Variants in IGFL2 observed in about 807,000 individuals in gnomAD.
IGFL2 encodes the protein insulin growth factor-like family member 2.
IGFL2 carries 7 observed loss-of-function variants against 13.9 expected under a neutral mutation model. The ratio of observed to expected loss-of-function variants is 0.51; its 90% confidence interval spans 0.29 to 0.95. The LOEUF is 0.95. IGFL2 is among the 40% of genes least tolerant of loss of function. The probability of loss-of-function intolerance (pLI) is 0.08; values close to 1 mark genes in which losing one functional copy is unlikely to be tolerated. For missense variants in IGFL2, 138 were observed against 147.8 expected, an observed-to-expected ratio of 0.93 and a Z score of 0.34; for synonymous variants, 55 against 55.8, an observed-to-expected ratio of 0.99 and a Z score of 0.07.
At chr19:46,124,499 G>C in the IGFL2 span, 1 of 1,146,898 alleles carries the variant, frequency 8.7e-7, no homozygotes, top group Non-Finnish European at 1.3e-6. Context: ...GTCACCCTTT[G>C]AGGTGACTAG....
the IGFL2 span, among the ~76,000 whole-genome samples, chr19:46,174,908 G>A: frequency 6.6e-6 from 1 of 152,152 alleles, no homozygotes; most frequent in African/African-American, 2.4e-5. Flanking sequence ...TTTAGCAAAA[G>A]GATTGATCCA....
chr19:46,157,345 T>C (rs1052177691), intron 1 of IGFL2, among the ~76,000 whole-genome samples: 5 of 152,104 alleles, frequency 3.3e-5, no homozygotes, highest in African/African-American at 1.2e-4. Context: ...GCAATGAAAC[T>C]ATAGACCAAT....
At chr19:46,170,520 T>C in the IGFL2 span, among the ~76,000 whole-genome samples, 1 of 152,184 alleles carries the variant, frequency 6.6e-6, no homozygotes. Flanking sequence ...TAACAGTGAT[T>C]TTCAGGGAAC....
At chr19:46,168,307 T>G in the IGFL2 span, among the ~76,000 whole-genome samples, 1 of 152,240 alleles carries the variant, frequency 6.6e-6, no homozygotes, top group Non-Finnish European at 1.5e-5. Flanking sequence ...GGCATCAGTT[T>G]TGAGTTTGGA....
intron 3 of IGFL2, 29 bp downstream of exon 3, chr19:46,160,910 C>T (rs549964644): frequency 6.1e-5 from 99 of 1,610,350 alleles, no homozygotes; most frequent in South Asian, 4.9e-4. Context: ...GCCAGGGGGT[C>T]GGGGGAAGGG....
chr19:46,132,882 C>T, the IGFL2 span, among the ~76,000 whole-genome samples: 6,634 of 152,118 alleles, frequency 0.044, 225 homozygotes, highest in South Asian at 0.12. Flanking sequence ...AGGTAGTCAA[C>T]GATTTCAACC....
intron 1 of IGFL2, among the ~76,000 whole-genome samples, chr19:46,151,118 T>TCA (rs1469811310): frequency 2.6e-5 from 4 of 152,214 alleles, no homozygotes; most frequent in Non-Finnish European, 5.9e-5. Context: ...TTCTCTCTAC[T>TCA]TCTATGAGTT....
rs1249040164 is a variant in IGFL2, at chr19:46,160,875, G to T, written c.335G>T (p.Cys112Phe). 1 of 1,613,850 alleles carries T rather than the reference G, an allele frequency of 6.2e-7. No individual in the cohort carries two copies. The highest frequency in any genetic ancestry group is 8.5e-7 in the Non-Finnish European group (1 of 1,179,794). ...CACTCATCTCCCATCTCCAGTAAATGTGAAAGGTAGGGACCCCGTCCCTGG... is the reference window on the plus strand; with the variant it reads ...CACTCATCTCCCATCTCCAGTAAATTTGAAAGGTAGGGACCCCGTCCCTGG... ...QCHSSPISSKCESRRRFP is the reference protein window; with the variant it reads ...QCHSSPISSKFESRRRFP Residue 112 changes from cysteine to phenylalanine, a missense_variant, in exon 3 of 4, where the codon TGT becomes TTT. Physicochemically the swap from Cys to Phe is radical, Grantham distance 205. Transcript: ENST00000377693.
chr19:46,175,836 T>A, the IGFL2 span, among the ~76,000 whole-genome samples: 5 of 122,064 alleles, frequency 4.1e-5, no homozygotes, highest in African/African-American at 1.6e-4. Context: ...CCACCGTGCC[T>A]GGCACTATTT....
the IGFL2 span, among the ~76,000 whole-genome samples, chr19:46,199,145 C>G: frequency 6.6e-6 from 1 of 152,172 alleles, no homozygotes; most frequent in Non-Finnish European, 1.5e-5. Flanking sequence ...CAGTTGGAGG[C>G]CTGTGGACTG....
Position 46,161,266 on chromosome 19 carries a change from A to C in IGFL2, c.*178A>C, listed in dbSNP as rs1197015135. The C allele has an allele frequency of 8.5e-6, 5 of 589,678 alleles. No homozygotes were observed. The allele number at this position is 589,678 out of a possible 1,614,324, so 36.5% of individuals were successfully genotyped here. Reference sequence around the variant, plus strand: ...GAATGACAGTAGATTATCAGGAAATAAATAAAGTGGTTTTTCCAATGTACA... The same window carrying C: ...GAATGACAGTAGATTATCAGGAAATCAATAAAGTGGTTTTTCCAATGTACA... On this transcript the variant is annotated 3_prime_UTR_variant, in exon 4 of 4. Transcript: ENST00000377693.
At chr19:46,156,203 G>T (rs897451617) in intron 1 of IGFL2, among the ~76,000 whole-genome samples, 12 of 152,112 alleles carry the variant, frequency 7.9e-5, no homozygotes, top group African/African-American at 2.9e-4. Context: ...TGAATTTATC[G>T]ATCAATTTGG....
the IGFL2 span, chr19:46,208,404 AC>A: frequency 6.6e-6 from 1 of 151,472 alleles, no homozygotes; most frequent in African/African-American, 2.4e-5. Flanking sequence ...GTGGCAGGAC[AC>A]CCCCTCTAGG....
the IGFL2 span, among the ~76,000 whole-genome samples, chr19:46,201,648 G>A: frequency 2.1e-4 from 32 of 152,142 alleles, no homozygotes; most frequent in Admixed American, 1.1e-3. Flanking sequence ...TCGGGGTAAG[G>A]ATGATTAGGT....
chr19:46,136,389 G>T, the IGFL2 span, among the ~76,000 whole-genome samples: 1 of 152,188 alleles, frequency 6.6e-6, no homozygotes, highest in African/African-American at 2.4e-5. Context: ...TGGGCATCTT[G>T]TTCCACATGG....
the IGFL2 span, among the ~76,000 whole-genome samples, chr19:46,168,744 T>C: frequency 1.3e-5 from 2 of 152,206 alleles, no homozygotes; most frequent in African/African-American, 4.8e-5. Context: ...GCATCCATGA[T>C]CCCAGGTTGC....
At chr19:46,200,473 CCTTTTCTTTTCTTTT>C in the IGFL2 span, among the ~76,000 whole-genome samples, 27 of 134,278 alleles carry the variant, frequency 2.0e-4, 1 homozygote, top group South Asian at 2.9e-3. Context: ...CACACCTGGC[CCTTTTCTTTTCTTTT>C]CTTTTCTTTT....
the IGFL2 span, among the ~76,000 whole-genome samples, chr19:46,183,945 T>C: frequency 1.3e-5 from 2 of 152,198 alleles, no homozygotes; most frequent in African/African-American, 4.8e-5. Flanking sequence ...GTTTTCAGCA[T>C]TTTTTCCCCT....
chr19:46,116,103 T>A, the IGFL2 span, among the ~76,000 whole-genome samples: 1 of 152,344 alleles, frequency 6.6e-6, no homozygotes, highest in Admixed American at 6.5e-5. Context: ...TATTATACTT[T>A]AAGTTCTAGG....
Sources: allele counts gnomAD v4.1 joint callset (sites outside exome capture counted in the v4.1 genomes callset), GRCh38; gene constraint gnomAD v4.1.1; transcripts MANE v1.5; gene names NCBI Gene and HGNC (gene_info 2026-07-23, HGNC 2026-07-21).